The following TBPL2 variants were observed in gnomAD, a reference collection of about 807,000 sequenced individuals.
The protein encoded by TBPL2 is TATA-box binding protein like 2.
In TBPL2, 40 loss-of-function variants were observed where a neutral mutation model predicts 38.2. The observed-to-expected ratio is 1.05, with a 90% CI of 0.81 to 1.36. The LOEUF is 1.36. Among genes scored for constraint, TBPL2 ranks in the 40% most tolerant of loss-of-function variants. The pLI, the probability that TBPL2 is intolerant of heterozygous loss-of-function variation, is 0.00. For synonymous variants in TBPL2, 169 were observed against 171.7 expected, an observed-to-expected ratio of 0.98 and a Z score of 0.12; for missense variants, 461 against 456.7, an observed-to-expected ratio of 1.01 and a Z score of -0.09.
At position 55,440,526 on chromosome 14, in the gene TBPL2, G is replaced by A. The variant is rs200807899; in HGVS notation, c.20C>T (p.Pro7Leu). The A allele has an allele frequency of 2.0e-4, 327 of 1,608,136 alleles. 1 individual carries two copies. Among genetic ancestry groups the A allele is most frequent in the Middle Eastern group, 1.9e-4 (1 of 5,276 alleles). ...AGCGAGCAGCCTCGGAACCCGCTCC[G>A]GCCAGGGCGCAGAGGCCATTTATGA... Residue 7 changes from proline to leucine, a missense_variant, in exon 1 of 7, where the codon CCG becomes CTG. By Grantham distance (98) the Pro-to-Leu change is moderately conservative (BLOSUM62 -3). Transcript: ENST00000247219.
chr14:55,427,614 C>T (rs922361022), intron 5 of TBPL2, among the ~76,000 whole-genome samples: 8 of 152,196 alleles, frequency 5.3e-5, no homozygotes, highest in Middle Eastern at 3.4e-3. Context: ...TGCCCTAGCC[C>T]AGGTGTATAT....
chr14:55,424,417 T>C (rs1885789745), intron 5 of TBPL2, among the ~76,000 whole-genome samples, 164 bp from the exon 6 acceptor site: 1 of 152,228 alleles, frequency 6.6e-6, no homozygotes, highest in South Asian at 2.1e-4. Context: ...TTGAGTGTCC[T>C]AGGTAATATC....
intron 5 of TBPL2, among the ~76,000 whole-genome samples, chr14:55,428,161 G>A (rs1209210106): frequency 3.2e-5 from 3 of 95,224 alleles, no homozygotes; most frequent in African/African-American, 8.0e-5. Flanking sequence ...ACGGAGTCTC[G>A]CTCTGTCGCC....
chr14:55,418,089 T>A (rs1885693183), intron 6 of TBPL2, among the ~76,000 whole-genome samples: 1 of 152,220 alleles, frequency 6.6e-6, no homozygotes, highest in South Asian at 2.1e-4. Flanking sequence ...AGGAATATAC[T>A]TCCAGCTTAG....
chr14:55,429,423 C>T (rs1053490233), intron 4 of TBPL2, among the ~76,000 whole-genome samples: 1 of 152,194 alleles, frequency 6.6e-6, no homozygotes. Flanking sequence ...GTGCTGCTCA[C>T]TGCAGTTTGG....
At chr14:55,439,128 G>A (rs1205071310) in intron 1 of TBPL2, among the ~76,000 whole-genome samples, 4 of 151,898 alleles carry the variant, frequency 2.6e-5, no homozygotes, top group Non-Finnish European at 4.4e-5. Context: ...TAGCAGAGGC[G>A]AAGTTTCGCC....
intron 1 of TBPL2, among the ~76,000 whole-genome samples, chr14:55,438,023 T>C (rs977757067): frequency 6.6e-6 from 1 of 152,194 alleles, no homozygotes; most frequent in Admixed American, 6.5e-5. Context: ...TAATGTAAAA[T>C]TCATGGACTT....
intron 4 of TBPL2, among the ~76,000 whole-genome samples, chr14:55,431,216 T>C (rs1885920056): frequency 6.6e-6 from 1 of 152,188 alleles, no homozygotes; most frequent in Non-Finnish European, 1.5e-5. Flanking sequence ...CAACTCACTA[T>C]CCAAAACTTC....
At chr14:55,429,423 C>A (rs1053490233) in intron 4 of TBPL2, among the ~76,000 whole-genome samples, 1 of 152,194 alleles carries the variant, frequency 6.6e-6, no homozygotes, top group African/African-American at 2.4e-5. Context: ...GTGCTGCTCA[C>A]TGCAGTTTGG....
chr14:55,439,322 G>C (rs537495654), intron 1 of TBPL2, among the ~76,000 whole-genome samples: 14 of 150,000 alleles, frequency 9.3e-5, no homozygotes, highest in Non-Finnish European at 1.9e-4. Context: ...TTGACATTTG[G>C]CAAACCCTGC....
chr14:55,435,468 A>T (rs28473512), intron 3 of TBPL2, among the ~76,000 whole-genome samples: 1 of 151,656 alleles, frequency 6.6e-6, no homozygotes, highest in East Asian at 1.9e-4. Context: ...TAGAGACGGG[A>T]TTTCACCATG....
intron 5 of TBPL2, among the ~76,000 whole-genome samples, chr14:55,425,173 G>A (rs544242388): frequency 1.4e-4 from 22 of 152,268 alleles, no homozygotes; most frequent in African/African-American, 5.3e-4. Context: ...AGTGAGTCTT[G>A]CCCATCTCAA....
At chr14:55,423,129 T>C (rs920660400) in intron 6 of TBPL2, among the ~76,000 whole-genome samples, 1 of 152,188 alleles carries the variant, frequency 6.6e-6, no homozygotes, top group Non-Finnish European at 1.5e-5. Flanking sequence ...GACAAAATGC[T>C]ATTTATTGGA....
chr14:55,440,530 A>T, exon 1 of TBPL2: 1 of 1,605,494 alleles, frequency 6.2e-7, no homozygotes, highest in East Asian at 2.2e-5. Context: ...CGCTCCGGCC[A>T]GGGCGCAGAG....
intron 4 of TBPL2, 108 bp downstream of exon 4, chr14:55,433,518 CAAAG>C: frequency 1.0e-6 from 1 of 995,038 alleles, no homozygotes; most frequent in Non-Finnish European, 1.5e-6. Flanking sequence ...AAGTCTTCAG[CAAAG>C]AAAGGCATTT....
intron 1 of TBPL2, 24 bp from the exon 2 acceptor site, chr14:55,437,042 G>GACAA: frequency 6.3e-7 from 1 of 1,596,864 alleles, no homozygotes; most frequent in Non-Finnish European, 8.6e-7. Flanking sequence ...AAAACAGACA[G>GACAA]ACAAAAACAC....
chr14:55,436,996 G>C, exon 2 of TBPL2: 1 of 1,614,060 alleles, frequency 6.2e-7, no homozygotes, highest in South Asian at 1.1e-5. Flanking sequence ...GAACAGGGGA[G>C]ACCTGGGTGG....
At chr14:55,435,278 A>ATTT (rs34700693) in intron 3 of TBPL2, among the ~76,000 whole-genome samples, 9,647 of 143,930 alleles carry the variant, frequency 0.067, 361 homozygotes, top group Non-Finnish European at 0.089. Flanking sequence ...GTCAGGTGAA[A>ATTT]TTTTTTTTTT....
intron 6 of TBPL2, among the ~76,000 whole-genome samples, chr14:55,417,354 T>C (rs1296088291): frequency 6.6e-6 from 1 of 151,000 alleles, no homozygotes; most frequent in Non-Finnish European, 1.5e-5. Context: ...ATCAAAAGTT[T>C]AAGGGAACCT....
Sources: allele counts gnomAD v4.1 joint callset (sites outside exome capture counted in the v4.1 genomes callset), GRCh38; gene constraint gnomAD v4.1.1; transcripts MANE v1.5; gene names NCBI Gene and HGNC (gene_info 2026-07-23, HGNC 2026-07-21).